Variants in TNR observed in about 807,000 individuals in gnomAD.
The protein encoded by TNR is tenascin R, also known as tenascin-R.
In TNR, 45 loss-of-function variants were observed where a neutral mutation model predicts 150.4. That is an observed-to-expected ratio of 0.30 (90% CI 0.24 to 0.38). The LOEUF is 0.38. Ranked by LOEUF, TNR falls within the 10% of genes least tolerant of loss-of-function variation. The pLI, the probability that TNR is intolerant of heterozygous loss-of-function variation, is 1.00. For missense variants in TNR, 1,544 were observed against 1,759.1 expected (o/e 0.88, Z 2.19); for synonymous variants, 687 against 678.4 (o/e 1.01, Z -0.20).
intron 1 of TNR, among the ~76,000 whole-genome samples, chr1:175,722,270 C>G (rs1667326191): frequency 6.6e-6 from 1 of 152,166 alleles, no homozygotes. Flanking sequence ...TTTCCATGAT[C>G]CTGCCACGGG....
chr1:175,606,202 C>T (rs1663398952), intron 1 of TNR, among the ~76,000 whole-genome samples: 1 of 152,152 alleles, frequency 6.6e-6, no homozygotes, highest in Admixed American at 6.5e-5. Flanking sequence ...GTTTCCTTAA[C>T]TACCCAGATA....
chr1:175,475,321 T>C (rs1246767644), intron 2 of TNR, among the ~76,000 whole-genome samples: 1 of 152,234 alleles, frequency 6.6e-6, no homozygotes, highest in Non-Finnish European at 1.5e-5. Context: ...TTTCTGCTTA[T>C]GATCTCTATC....
chr1:175,324,457 C>T lies in TNR; in HGVS notation c.3856G>A (p.Ala1286Thr), dbSNP rs1187268439. 1 of 1,614,036 alleles carries T rather than the reference C, an allele frequency of 6.2e-7. No homozygotes were observed. Among genetic ancestry groups the T allele is most frequent in the African/African-American group, 1.3e-5 (1 of 74,904 alleles). Residue 1286 changes from alanine to threonine, a missense_variant, in exon 22 of 23, where the codon GCA becomes ACA. Transcript: ENST00000367674. ...TACGACATGGCACAGTTAGTCACTG[C>T]AACATCATTGTCTCTATCCTCTGTG... is the stretch of plus-strand genomic sequence containing the variant. ...FSTEDRDNDV[A>T]VTNCAMSYKG... is the part of the protein sequence containing the mutation.
chr1:175,443,634 G>A (rs1655894400), intron 2 of TNR, among the ~76,000 whole-genome samples: 1 of 152,112 alleles, frequency 6.6e-6, no homozygotes, highest in Non-Finnish European at 1.5e-5. Context: ...GTTTCTATAG[G>A]TGATCACTAC....
chr1:175,738,265 A>G (rs1005017438), intron 1 of TNR, among the ~76,000 whole-genome samples: 1 of 152,216 alleles, frequency 6.6e-6, no homozygotes, highest in African/African-American at 2.4e-5. Context: ...ATAGGAAACA[A>G]TGCAAGCGTC....
intron 2 of TNR, among the ~76,000 whole-genome samples, chr1:175,482,129 T>C (rs960588551): frequency 6.6e-6 from 1 of 152,216 alleles, no homozygotes; most frequent in Non-Finnish European, 1.5e-5. Flanking sequence ...TATTAGCAAC[T>C]GGCACAAGAA....
intron 8 of TNR, 102 bp from the exon 9 acceptor site, chr1:175,379,839 C>T (rs189522775): frequency 7.6e-7 from 1 of 1,318,812 alleles, no homozygotes; most frequent in Non-Finnish European, 1.0e-6. Context: ...GCCCACACCC[C>T]CTGACCCTCT....
At chr1:175,389,832 C>A (rs998221102) in intron 7 of TNR, among the ~76,000 whole-genome samples, 1 of 152,140 alleles carries the variant, frequency 6.6e-6, no homozygotes, top group Admixed American at 6.5e-5. Context: ...CCTCAGCCAC[C>A]GGCCTTCTGG....
At chr1:175,536,981 C>T (rs1345876919) in intron 1 of TNR, among the ~76,000 whole-genome samples, 1 of 152,176 alleles carries the variant, frequency 6.6e-6, no homozygotes, top group Non-Finnish European at 1.5e-5. Flanking sequence ...GTCTCTTCCC[C>T]ACTCCACCTT....
At chr1:175,720,216 T>C (rs966707974) in intron 1 of TNR, among the ~76,000 whole-genome samples, 1 of 152,152 alleles carries the variant, frequency 6.6e-6, no homozygotes, top group African/African-American at 2.4e-5. Context: ...TCAGCATCCT[T>C]ATAAGAAGCA....
intron 1 of TNR, among the ~76,000 whole-genome samples, chr1:175,737,840 G>C (rs1667815721): frequency 6.6e-6 from 1 of 152,058 alleles, no homozygotes; most frequent in Admixed American, 6.5e-5. Flanking sequence ...TAAACTAATG[G>C]GTCTGTTGGC....
At chr1:175,397,470 G>A (rs1249097127) in intron 4 of TNR, among the ~76,000 whole-genome samples, 1 of 152,168 alleles carries the variant, frequency 6.6e-6, no homozygotes, top group African/African-American at 2.4e-5. Context: ...GGTTTAATAA[G>A]TTATCGTCAT....
intron 20 of TNR, among the ~76,000 whole-genome samples, chr1:175,331,021 C>CTTTCTT (rs1280793993): frequency 1.9e-3 from 117 of 63,240 alleles, no homozygotes; most frequent in Non-Finnish European, 3.1e-3. Flanking sequence ...TTCTTTCTTT[C>CTTTCTT]TTTCTTTCTT....
intron 9 of TNR, among the ~76,000 whole-genome samples, chr1:175,372,824 G>A (rs1427072136): frequency 6.6e-6 from 1 of 152,160 alleles, no homozygotes; most frequent in African/African-American, 2.4e-5. Context: ...CATCTCCCAA[G>A]TGTCTGTGAA....
chr1:175,742,995 C>CACACA (rs1491058891), intron 1 of TNR, among the ~76,000 whole-genome samples: 1 of 150,528 alleles, frequency 6.6e-6, no homozygotes, highest in African/African-American at 2.5e-5. Flanking sequence ...CACACACACA[C>CACACA]CCGCAAGGCC....
chr1:175,728,030 T>C (rs1346531660), intron 1 of TNR, among the ~76,000 whole-genome samples: 3 of 152,230 alleles, frequency 2.0e-5, no homozygotes, highest in Admixed American at 2.0e-4. Context: ...CAACTATCTA[T>C]TTTTCTCTGG....
intron 1 of TNR, among the ~76,000 whole-genome samples, chr1:175,653,373 A>T (rs1665063502): frequency 6.6e-6 from 1 of 152,226 alleles, no homozygotes; most frequent in Non-Finnish European, 1.5e-5. Context: ...GCAGTAAATG[A>T]TGAAAGTGAG....
intron 9 of TNR, among the ~76,000 whole-genome samples, chr1:175,370,039 C>G (rs6690194): frequency 6.6e-6 from 1 of 152,016 alleles, no homozygotes; most frequent in Non-Finnish European, 1.5e-5. Context: ...TTTCCCAACC[C>G]TTAATTCTTT....
intron 2 of TNR, among the ~76,000 whole-genome samples, chr1:175,483,754 G>C (rs968531236): frequency 6.6e-6 from 1 of 152,190 alleles, no homozygotes; most frequent in African/African-American, 2.4e-5. Context: ...GATGGTGGGG[G>C]CTGGGAACTA....
Sources: allele counts gnomAD v4.1 joint callset (sites outside exome capture counted in the v4.1 genomes callset), GRCh38; gene constraint gnomAD v4.1.1; transcripts MANE v1.5; gene names NCBI Gene and HGNC (gene_info 2026-07-23, HGNC 2026-07-21).